The following CDKAL1 variants were observed in gnomAD, a reference collection of about 807,000 sequenced individuals.
The protein encoded by CDKAL1 is threonylcarbamoyladenosine tRNA methylthiotransferase.
CDKAL1 carries 32 observed loss-of-function variants against 68.2 expected under a neutral mutation model. The observed-to-expected ratio is 0.47, with a 90% confidence interval of 0.35 to 0.63. CDKAL1 has a LOEUF of 0.63. CDKAL1 is among the 30% of genes least tolerant of loss of function. CDKAL1 has a pLI of 0.00. For missense variants in CDKAL1, 606 were observed against 696.7 expected (o/e 0.87, Z 1.47); for synonymous variants, 234 against 244.3 (o/e 0.96, Z 0.39).
chr6:20,625,382 G>T (rs1043427324), intron 4 of CDKAL1, among the ~76,000 whole-genome samples: 3 of 152,060 alleles, frequency 2.0e-5, no homozygotes, highest in Non-Finnish European at 4.4e-5. Context: ...TGCATTTTTG[G>T]TGTTGGTTAG....
chr6:20,956,380 G>T (rs1393774272), intron 10 of CDKAL1, among the ~76,000 whole-genome samples: 1 of 152,152 alleles, frequency 6.6e-6, no homozygotes, highest in African/African-American at 2.4e-5. Flanking sequence ...GTAAATATGA[G>T]CAAAGAATAT....
chr6:21,227,967 A>G (rs116818572), intron 15 of CDKAL1, among the ~76,000 whole-genome samples: 2,089 of 152,332 alleles, frequency 0.014, 45 homozygotes, highest in African/African-American at 0.047. Flanking sequence ...AACAAAAAAC[A>G]AAACGTGTTA....
intron 8 of CDKAL1, among the ~76,000 whole-genome samples, chr6:20,821,847 A>G (rs1777292022): frequency 6.6e-6 from 1 of 152,182 alleles, no homozygotes; most frequent in Non-Finnish European, 1.5e-5. Context: ...ACCTCAATAA[A>G]CCATTAATAT....
chr6:21,134,994 G>A (rs1221076150), intron 13 of CDKAL1, among the ~76,000 whole-genome samples: 1 of 152,010 alleles, frequency 6.6e-6, no homozygotes, highest in Non-Finnish European at 1.5e-5. Context: ...TAAGAGCACT[G>A]CATTGACAAA....
intron 5 of CDKAL1, among the ~76,000 whole-genome samples, chr6:20,683,914 C>T (rs1770497708): frequency 6.6e-6 from 1 of 152,162 alleles, no homozygotes; most frequent in African/African-American, 2.4e-5. Context: ...TGATTGTCTC[C>T]ACTGTTTTAT....
chr6:20,860,933 A>ATTTTTTTTT (rs70990075), intron 9 of CDKAL1, among the ~76,000 whole-genome samples: 1 of 134,230 alleles, frequency 7.4e-6, no homozygotes, highest in South Asian at 2.4e-4. Context: ...AGTGTGGTCT[A>ATTTTTTTTT]TTTTTTTTTT....
At chr6:20,872,289 A>G (rs895358128) in intron 9 of CDKAL1, among the ~76,000 whole-genome samples, 1 of 152,180 alleles carries the variant, frequency 6.6e-6, no homozygotes, top group African/African-American at 2.4e-5. Flanking sequence ...TTATTTTTCT[A>G]TTTCCTGATT....
intron 5 of CDKAL1, among the ~76,000 whole-genome samples, chr6:20,729,426 G>GT (rs1466083873): frequency 4.6e-5 from 7 of 152,040 alleles, no homozygotes; most frequent in South Asian, 2.1e-4. Flanking sequence ...TCTTTCACAG[G>GT]TTTTTCTATG....
chr6:20,646,634 G>A (rs996358252), intron 4 of CDKAL1, among the ~76,000 whole-genome samples: 2 of 152,092 alleles, frequency 1.3e-5, no homozygotes, highest in East Asian at 3.8e-4. Context: ...GGGGTCCTAT[G>A]GTAAGAGTTA....
intron 7 of CDKAL1, among the ~76,000 whole-genome samples, chr6:20,769,705 G>C (rs559200807): frequency 2.0e-5 from 3 of 152,294 alleles, no homozygotes; most frequent in Non-Finnish European, 4.4e-5. Flanking sequence ...CATTAGCGCT[G>C]TATGTTTTGA....
At chr6:20,656,306 A>G (rs1000431681) in intron 5 of CDKAL1, among the ~76,000 whole-genome samples, 3 of 152,332 alleles carry the variant, frequency 2.0e-5, no homozygotes, top group Admixed American at 6.5e-5. Context: ...ATGTGATGTC[A>G]TCCTTAATTC....
At chr6:20,924,712 GT>G (rs1007537071) in intron 9 of CDKAL1, among the ~76,000 whole-genome samples, 12 of 152,192 alleles carry the variant, frequency 7.9e-5, no homozygotes, top group African/African-American at 2.4e-4. Flanking sequence ...GATTCATGAG[GT>G]TTAAGGAAAG....
rs71563967 is a variant in CDKAL1, at chr6:20,555,968, G to A, written c.286+7263G>A. ...GTAACCCTTATTAGAAGCCTTTCTC[G>A]TTTTTTTTTGGTGGAAAGAAGGGGG... On this transcript the variant is annotated intron_variant, in intron 4 of 15. Transcript: ENST00000274695. 6.2e-3 allele frequency among the ~76,000 whole-genome samples: 937 copies of A among 150,580 alleles called. 6 individuals are homozygous for A. The highest frequency in any genetic ancestry group is 9.7e-3 in the Non-Finnish European group (658 of 67,492).
intron 7 of CDKAL1, among the ~76,000 whole-genome samples, chr6:20,779,989 C>G (rs1378334878): frequency 6.6e-6 from 1 of 151,358 alleles, no homozygotes; most frequent in Non-Finnish European, 1.5e-5. Context: ...TGGCTCATGC[C>G]TGTAATCCCA....
intron 9 of CDKAL1, among the ~76,000 whole-genome samples, chr6:20,876,597 C>A (rs1760531302): frequency 6.6e-6 from 1 of 152,056 alleles, no homozygotes; most frequent in Non-Finnish European, 1.5e-5. Context: ...TTATTTTGAG[C>A]ATGCAGGAGA....
chr6:20,922,037 C>T (rs7765765), intron 9 of CDKAL1, among the ~76,000 whole-genome samples: 26,757 of 152,074 alleles, frequency 0.18, 2,697 homozygotes, highest in East Asian at 0.28. Context: ...TTCTTAAAAG[C>T]GCAGAATGAT....
intron 8 of CDKAL1, among the ~76,000 whole-genome samples, chr6:20,807,454 C>G (rs1193223160): frequency 2.0e-5 from 3 of 152,192 alleles, no homozygotes; most frequent in African/African-American, 7.2e-5. Flanking sequence ...AACTCCTGAC[C>G]TTGTGATCGG....
At position 21,214,871 on chromosome 6, in the gene CDKAL1, T is replaced by TTGGA. The variant is rs748937516; in HGVS notation, c.1548+13600_1548+13603dup. Among the ~76,000 whole-genome samples, 544 of 121,048 alleles carry TTGGA rather than the reference T, an allele frequency of 4.5e-3. 3 individuals carry two copies. The highest frequency in any genetic ancestry group is 0.012 in the African/African-American group (429 of 34,550). 79.4% of individuals were successfully genotyped at this position (121,048 alleles called of 152,430 possible). A position where few individuals can be genotyped will look rare whatever the true frequency, so the allele number is the denominator to read the frequency against. On this transcript the variant is annotated intron_variant, in intron 15 of 15. Coordinates refer to ENST00000274695, the MANE Select transcript of CDKAL1 (RefSeq NM_017774.3). ...GGAGCAAATGCTCAGTAAACGTCTG[T>TTGGA]TGGATGAATGAATGAATGAATGAAT... is the stretch of plus-strand genomic sequence containing the variant.
intron 9 of CDKAL1, among the ~76,000 whole-genome samples, chr6:20,858,087 G>C (rs1759430658): frequency 6.6e-6 from 1 of 152,142 alleles, no homozygotes; most frequent in African/African-American, 2.4e-5. Flanking sequence ...TCGAATTCCT[G>C]ACCTCAAGTG....
Sources: gnomAD v4.1 joint callset for allele counts (sites outside exome capture counted in the v4.1 genomes callset) on GRCh38, gnomAD v4.1.1 for gene constraint, MANE v1.5 for transcripts, NCBI Gene and HGNC (gene_info 2026-07-23, HGNC 2026-07-21) for gene names.